ST6GALNAC5: variants seen among roughly 807,000 people sequenced by gnomAD.
The protein encoded by ST6GALNAC5 is ST6 N-acetylgalactosaminide alpha-2,6-sialyltransferase 5.
A neutral mutation model predicts 33.6 loss-of-function variants in ST6GALNAC5; 27 were observed. That is an observed-to-expected ratio of 0.80 (90% CI 0.59 to 1.11). The LOEUF is 1.11. Ranked by LOEUF, ST6GALNAC5 falls within the 50% of genes least tolerant of loss-of-function variation. The pLI is 0.00. For synonymous variants in ST6GALNAC5, 194 were observed against 171.2 expected, an observed-to-expected ratio of 1.13 and a Z score of -1.04; for missense variants, 428 against 454.0, an observed-to-expected ratio of 0.94 and a Z score of 0.52.
At chr1:76,963,201 C>A (rs1648315079) in intron 2 of ST6GALNAC5, among the ~76,000 whole-genome samples, 1 of 152,164 alleles carries the variant, frequency 6.6e-6, no homozygotes, top group Non-Finnish European at 1.5e-5. Flanking sequence ...AAATACTTAT[C>A]ACATTAAAGA....
At chr1:77,013,458 C>T (rs1447070471) in intron 2 of ST6GALNAC5, among the ~76,000 whole-genome samples, 2 of 152,160 alleles carry the variant, frequency 1.3e-5, no homozygotes, top group African/African-American at 2.4e-5. Context: ...TTTTACGTAT[C>T]GTCTTTATTA....
chr1:76,900,311 C>T (rs1395916862), intron 2 of ST6GALNAC5, among the ~76,000 whole-genome samples: 2 of 151,784 alleles, frequency 1.3e-5, no homozygotes, highest in African/African-American at 4.8e-5. Flanking sequence ...TCAGTTAAGG[C>T]AGGAATCGGC....
chr1:76,872,068 AAC>A (rs66721550), intron 2 of ST6GALNAC5, among the ~76,000 whole-genome samples: 25,210 of 129,710 alleles, frequency 0.19, 2,201 homozygotes, highest in Admixed American at 0.25. Context: ...TAACCAAGCT[AAC>A]ACACACACAC....
At chr1:76,897,836 T>C (rs1347215071) in intron 2 of ST6GALNAC5, among the ~76,000 whole-genome samples, 1 of 151,980 alleles carries the variant, frequency 6.6e-6, no homozygotes, top group Non-Finnish European at 1.5e-5. Context: ...TTTTAAGAGG[T>C]TTAGAAGCCT....
At chr1:76,889,301 A>T (rs1447638532) in intron 2 of ST6GALNAC5, among the ~76,000 whole-genome samples, 1 of 152,084 alleles carries the variant, frequency 6.6e-6, no homozygotes, top group Admixed American at 6.5e-5. Context: ...GTTGTTTCAC[A>T]TTAGCATTAT....
chr1:76,915,527 G>T (rs1171665625), intron 2 of ST6GALNAC5, among the ~76,000 whole-genome samples: 2 of 152,102 alleles, frequency 1.3e-5, no homozygotes, highest in Non-Finnish European at 2.9e-5. Flanking sequence ...AAAATGATGA[G>T]TTCCTGTCCT....
chr1:76,976,520 A>C (rs1242448235), intron 2 of ST6GALNAC5, among the ~76,000 whole-genome samples: 24 of 152,168 alleles, frequency 1.6e-4, no homozygotes, highest in Admixed American at 1.5e-3. Flanking sequence ...AAGATTTAAT[A>C]AAAGTTCCCT....
At chr1:77,013,025 G>T (rs1244007262) in intron 2 of ST6GALNAC5, among the ~76,000 whole-genome samples, 1 of 152,168 alleles carries the variant, frequency 6.6e-6, no homozygotes, top group East Asian at 1.9e-4. Context: ...TCACAAAGTA[G>T]TTGCAGTTAC....
At chr1:77,020,822 C>G (rs1240211687) in intron 2 of ST6GALNAC5, among the ~76,000 whole-genome samples, 3 of 152,228 alleles carry the variant, frequency 2.0e-5, no homozygotes, top group African/African-American at 7.2e-5. Flanking sequence ...AGGCTGGAAT[C>G]ATTAAAGGCT....
chr1:76,926,590 A>T (rs1012004391), intron 2 of ST6GALNAC5, among the ~76,000 whole-genome samples: 2 of 152,208 alleles, frequency 1.3e-5, no homozygotes, highest in African/African-American at 4.8e-5. Flanking sequence ...TCCTTCATTT[A>T]TGAGTATGTA....
intron 2 of ST6GALNAC5, among the ~76,000 whole-genome samples, chr1:76,973,583 A>T (rs1648853040): frequency 6.6e-6 from 1 of 152,112 alleles, no homozygotes; most frequent in African/African-American, 2.4e-5. Flanking sequence ...ATATCTGAGG[A>T]CTGTGACCCA....
Position 77,049,623 on chromosome 1 carries a change from T to C in ST6GALNAC5, c.672-635T>C, listed in dbSNP as rs564950892. On this transcript the variant is annotated intron_variant, in intron 3 of 4. Coordinates refer to ENST00000477717, the MANE Select transcript of ST6GALNAC5 (RefSeq NM_030965.3). ...TGGTCTCCTAGTAAAAATTTTCTGATATGTAAAATGAAGCAAATGTTCAGT... is the reference window on the plus strand; with the variant it reads ...TGGTCTCCTAGTAAAAATTTTCTGACATGTAAAATGAAGCAAATGTTCAGT... Among the ~76,000 whole-genome samples, 25 of 152,336 alleles carry C rather than the reference T, an allele frequency of 1.6e-4. No individual in the cohort carries two copies. In the South Asian group the frequency reaches 4.6e-3, roughly 28 times the overall value.
intron 2 of ST6GALNAC5, among the ~76,000 whole-genome samples, chr1:76,871,044 T>C (rs1360854624): frequency 2.6e-5 from 4 of 152,368 alleles, no homozygotes; most frequent in Admixed American, 2.0e-4. Context: ...TGAAGGTGCA[T>C]GTGTAAAATG....
chr1:77,006,528 G>T (rs972839492), intron 2 of ST6GALNAC5, among the ~76,000 whole-genome samples: 5 of 151,756 alleles, frequency 3.3e-5, no homozygotes, highest in Admixed American at 3.3e-4. Flanking sequence ...TCACCATATT[G>T]CCCAGGCTGG....
chr1:76,961,176 G>C (rs112492335), intron 2 of ST6GALNAC5, among the ~76,000 whole-genome samples: 6 of 152,072 alleles, frequency 3.9e-5, no homozygotes, highest in African/African-American at 7.2e-5. Flanking sequence ...GGCTTCAGCC[G>C]GTCCCTCCAT....
At chr1:76,965,443 C>T (rs930470694) in intron 2 of ST6GALNAC5, among the ~76,000 whole-genome samples, 6 of 152,154 alleles carry the variant, frequency 3.9e-5, no homozygotes, top group Middle Eastern at 3.2e-3. Flanking sequence ...CCTTTGCCCT[C>T]TTTTTGATGG....
chr1:76,975,568 G>A (rs1324913417), intron 2 of ST6GALNAC5, among the ~76,000 whole-genome samples: 4 of 152,142 alleles, frequency 2.6e-5, no homozygotes, highest in Non-Finnish European at 5.9e-5. Flanking sequence ...GATTAATATT[G>A]TATGTGAATG....
chr1:76,960,100 C>A (rs892814160), intron 2 of ST6GALNAC5, among the ~76,000 whole-genome samples: 2 of 152,110 alleles, frequency 1.3e-5, no homozygotes, highest in Admixed American at 6.6e-5. Flanking sequence ...TCACCAGTAG[C>A]TATCAGGGAA....
At chr1:76,950,095 A>G (rs1647683243) in intron 2 of ST6GALNAC5, among the ~76,000 whole-genome samples, 1 of 152,102 alleles carries the variant, frequency 6.6e-6, no homozygotes, top group South Asian at 2.1e-4. Flanking sequence ...ACCTTCACAC[A>G]GATTTCTTCA....
Sources: gnomAD v4.1 joint callset for allele counts (sites outside exome capture counted in the v4.1 genomes callset) on GRCh38, gnomAD v4.1.1 for gene constraint, MANE v1.5 for transcripts, NCBI Gene and HGNC (gene_info 2026-07-23, HGNC 2026-07-21) for gene names.